The following NAALAD2 variants were observed in gnomAD, a reference collection of about 807,000 sequenced individuals.
NAALAD2 encodes N-acetylated alpha-linked acidic dipeptidase 2.
A neutral mutation model predicts 95.6 loss-of-function variants in NAALAD2; 89 were observed. That is an observed-to-expected ratio of 0.93 (90% CI 0.78 to 1.11). The LOEUF is 1.11. Ranked by LOEUF, NAALAD2 falls within the 50% of genes least tolerant of loss-of-function variation. The pLI, the probability that NAALAD2 is intolerant of heterozygous loss-of-function variation, is 0.00. For synonymous variants in NAALAD2, 264 were observed against 294.4 expected, an observed-to-expected ratio of 0.90 and a Z score of 1.06; for missense variants, 894 against 872.4, an observed-to-expected ratio of 1.02 and a Z score of -0.31.
upstream of NAALAD2, among the ~76,000 whole-genome samples, chr11:90,133,838 T>TG (rs903546376): frequency 4.6e-5 from 7 of 151,632 alleles, no homozygotes; most frequent in Non-Finnish European, 8.8e-5. Context: ...TCTTTTTTTT[T>TG]TTGTTTGTTT....
At chr11:90,155,642 A>G (rs1952079562) in intron 6 of NAALAD2, among the ~76,000 whole-genome samples, 1 of 86,558 alleles carries the variant, frequency 1.2e-5, no homozygotes, top group East Asian at 3.1e-4. Flanking sequence ...ATATATATAT[A>G]ATTATTACAT....
At position 90,178,499 on chromosome 11, in the gene NAALAD2, G is replaced by A. The variant is rs549847346; in HGVS notation, c.1858+382G>A. Reference sequence around the variant, plus strand: ...ATTCTGGCTATTATGGTGAAACCGCGTCTCTACTGAAAATACAAAAAACTA... The same window carrying A: ...ATTCTGGCTATTATGGTGAAACCGCATCTCTACTGAAAATACAAAAAACTA... On this transcript the variant is annotated intron_variant, in intron 16 of 18. Coordinates refer to ENST00000534061, the MANE Select transcript of NAALAD2 (RefSeq NM_005467.4). Among the ~76,000 whole-genome samples, 7 of 152,100 alleles carry A rather than the reference G, an allele frequency of 4.6e-5. No individual in the cohort carries two copies. The East Asian group carries it at 7.8e-4, about 17-fold the overall frequency.
At position 90,135,569 on chromosome 11, in the gene NAALAD2, T is replaced by G. The variant is rs1354491529; in HGVS notation, c.93T>G (p.Ile31Met). 2 of 1,609,378 alleles carry G rather than the reference T, an allele frequency of 1.2e-6. No individual in the cohort carries two copies. The highest frequency in any genetic ancestry group is 8.5e-7 in the Non-Finnish European group (1 of 1,177,474). ...FLMGFMVGWF[I>M]KPLKETTTSV... ...ATTTTTTTTCCTTAGGCTGGTTTAT[T>G]AAGCCTCTCAAAGAAACGACCACTT... The change falls in exon 2 of 19, where the codon ATT (isoleucine) becomes ATG (methionine). Residue 31 changes from isoleucine (I) to methionine (M), a missense_variant. Transcript: ENST00000534061.
Position 90,177,840 on chromosome 11 carries a change from ATT to A in NAALAD2, c.1594-5_1594-4del. 1 of 1,555,842 alleles carries A rather than the reference ATT, an allele frequency of 6.4e-7. No homozygotes were observed. Among genetic ancestry groups the A allele is most frequent in the Non-Finnish European group, 8.7e-7 (1 of 1,146,190 alleles). On this transcript the variant is annotated splice_polypyrimidine_tract_variant and intron_variant, in intron 15 of 18. Transcript: ENST00000534061. ...AATGTTTATTTATACTTGCCTCTCCATTTTTTTTTCAGAAAACAGATAAGTAC... is the reference window on the plus strand; with the variant it reads ...AATGTTTATTTATACTTGCCTCTCCATTTTTTTCAGAAAACAGATAAGTAC...
chr11:90,153,497 C>T (rs1329830375), intron 6 of NAALAD2, among the ~76,000 whole-genome samples: 2 of 152,034 alleles, frequency 1.3e-5, no homozygotes, highest in African/African-American at 4.8e-5. Context: ...ATACAACTTC[C>T]AGGTTACAAC....
chr11:90,151,716 A>G (rs1459416026), intron 5 of NAALAD2, among the ~76,000 whole-genome samples: 2 of 152,160 alleles, frequency 1.3e-5, no homozygotes, highest in Non-Finnish European at 2.9e-5. Flanking sequence ...GTGAAGAAGA[A>G]TTTAGTATCT....
At chr11:90,184,671 G>T (rs938848172) in intron 18 of NAALAD2, among the ~76,000 whole-genome samples, 2 of 151,860 alleles carry the variant, frequency 1.3e-5, no homozygotes, top group African/African-American at 4.8e-5. Context: ...AAAATAAAAA[G>T]GAGCAGTGCT....
intron 14 of NAALAD2, among the ~76,000 whole-genome samples, chr11:90,174,312 C>T (rs899070050): frequency 7.4e-5 from 11 of 148,872 alleles, no homozygotes; most frequent in Non-Finnish European, 3.0e-5. Flanking sequence ...ACCTGGGCAA[C>T]AAGAGTGAAA....
At chr11:90,140,474 T>C (rs1368926328) in intron 2 of NAALAD2, among the ~76,000 whole-genome samples, 5 of 151,886 alleles carry the variant, frequency 3.3e-5, no homozygotes, top group Admixed American at 3.3e-4. Context: ...ATTTCTAGGC[T>C]ATGTGGTTCA....
intron 12 of NAALAD2, 53 bp from the exon 13 acceptor site, chr11:90,170,016 G>T: frequency 1.9e-6 from 2 of 1,039,428 alleles, no homozygotes; most frequent in Non-Finnish European, 3.0e-6. Context: ...TTAAACAAAT[G>T]GAATTTCATT....
At chr11:90,153,045 C>CT in intron 6 of NAALAD2, among the ~76,000 whole-genome samples, 1 of 152,252 alleles carries the variant, frequency 6.6e-6, no homozygotes, top group African/African-American at 2.4e-5. Flanking sequence ...CATCCAATCC[C>CT]TAGGCAACCA....
At chr11:90,179,755 G>A (rs749909082) in intron 16 of NAALAD2, among the ~76,000 whole-genome samples, 1 of 147,712 alleles carries the variant, frequency 6.8e-6, no homozygotes, top group Non-Finnish European at 1.5e-5. Flanking sequence ...ATAAGTCAGG[G>A]TCCAATTAAG....
At chr11:90,190,142 A>G (rs1857279068) in intron 18 of NAALAD2, among the ~76,000 whole-genome samples, 1 of 152,206 alleles carries the variant, frequency 6.6e-6, no homozygotes, top group Admixed American at 6.5e-5. Context: ...AGAATAGCTA[A>G]TATTTACTGA....
intron 6 of NAALAD2, among the ~76,000 whole-genome samples, chr11:90,155,933 G>GTAATGTGTATA (rs1565524175): frequency 1.4e-5 from 2 of 144,180 alleles, no homozygotes; most frequent in African/African-American, 5.1e-5. Flanking sequence ...TAATGTATAT[G>GTAATGTGTATA]TGATCTATTT....
intron 16 of NAALAD2, among the ~76,000 whole-genome samples, chr11:90,178,412 C>G (rs907771858): frequency 2.6e-5 from 4 of 152,182 alleles, no homozygotes; most frequent in Non-Finnish European, 5.9e-5. Context: ...TGGCTCACGC[C>G]TGTAATCCCA....
chr11:90,147,805 C>T (rs1268005532), intron 3 of NAALAD2, among the ~76,000 whole-genome samples: 1 of 152,072 alleles, frequency 6.6e-6, no homozygotes, highest in Non-Finnish European at 1.5e-5. Flanking sequence ...GTCACTCAGC[C>T]CAGCCTGGGA....
intron 13 of NAALAD2, among the ~76,000 whole-genome samples, chr11:90,171,687 A>T (rs1952641937): frequency 2.0e-5 from 3 of 152,160 alleles, no homozygotes; most frequent in Non-Finnish European, 4.4e-5. Flanking sequence ...CTGTAAACTG[A>T]TTATTACAAT....
chr11:90,163,192 A>G, intron 9 of NAALAD2, 118 bp from the exon 10 acceptor site: 1 of 1,272,488 alleles, frequency 7.9e-7, no homozygotes. Context: ...ATTTTACTTT[A>G]TAGTGTTGTC....
chr11:90,142,923 C>T (rs537632809), intron 2 of NAALAD2, among the ~76,000 whole-genome samples: 97 of 151,904 alleles, frequency 6.4e-4, no homozygotes, highest in African/African-American at 2.2e-3. Context: ...TGTAATGTTT[C>T]ACTGTATTCT....
Sources: gnomAD v4.1 joint callset for allele counts (sites outside exome capture counted in the v4.1 genomes callset) on GRCh38, gnomAD v4.1.1 for gene constraint, MANE v1.5 for transcripts, NCBI Gene and HGNC (gene_info 2026-07-23, HGNC 2026-07-21) for gene names.